Variants in TTC19 observed in about 807,000 individuals in gnomAD.
TTC19 encodes tetratricopeptide repeat domain 19.
A neutral mutation model predicts 49.5 loss-of-function variants in TTC19; 38 were observed. That is an observed-to-expected ratio of 0.77 (90% confidence interval 0.59 to 1.01). The LOEUF (loss-of-function observed/expected upper bound fraction) is 1.01, where lower values mean the gene tolerates loss of function less well. TTC19 is among the 50% of genes least tolerant of loss of function. The pLI is 0.00. For missense variants in TTC19, 475 were observed against 477.7 expected, an observed-to-expected ratio of 0.99 and a Z score of 0.05; for synonymous variants, 204 against 185.2, an observed-to-expected ratio of 1.10 and a Z score of -0.83.
In TTC19 at chr17:16,007,084, G is replaced by A. The variant is rs79389587; in HGVS notation, c.676+516G>A. On this transcript the variant is annotated intron_variant, in intron 7 of 9. Coordinates refer to ENST00000261647, the MANE Select transcript of TTC19 (RefSeq NM_017775.4). ...TGGGTTGAAGTATTGAGAATTTTCA[G>A]ATTTGACATTTATTCAATACCTACT... 9.3e-3 allele frequency among the ~76,000 whole-genome samples: 1,413 copies of A among 152,166 alleles called. 27 individuals are homozygous for A. Among genetic ancestry groups the A allele is most frequent in the African/African-American group, 0.032 (1,324 of 41,516 alleles).
intron 2 of TTC19, chr17:16,039,860 G>A: frequency 7.8e-6 from 4 of 515,428 alleles, no homozygotes; most frequent in Non-Finnish European, 1.4e-5. Flanking sequence ...GCGCGATCTT[G>A]GCTCACTGCA....
intron 6 of TTC19, among the ~76,000 whole-genome samples, chr17:16,005,234 G>A (rs1209008813): frequency 6.6e-6 from 1 of 152,188 alleles, no homozygotes; most frequent in African/African-American, 2.4e-5. Context: ...CCAGATCTGA[G>A]GCTTCGAAAG....
chr17:16,000,040 G>C lies in TTC19; in HGVS notation c.184+8G>C. 1 of 1,263,292 alleles carries C rather than the reference G, an allele frequency of 7.9e-7. No individual in the cohort carries two copies. Among genetic ancestry groups the C allele is most frequent in the Non-Finnish European group, 9.9e-7 (1 of 1,007,236 alleles). The allele number at this position is 1,263,292 out of a possible 1,614,324, so 78.3% of individuals were successfully genotyped here. On this transcript the variant is annotated splice_region_variant and intron_variant, in intron 1 of 9. Transcript: ENST00000261647. ...TGCTGCCGCTGCTGGCAGGTGAGGG[G>C]CGCGGGCCGGGCGGGGCCGGCCGGG...
At chr17:16,033,811 T>G (rs1443921639), downstream of TTC19, among the ~76,000 whole-genome samples, 1 of 151,634 alleles carries the variant, frequency 6.6e-6, no homozygotes, top group Non-Finnish European at 1.5e-5. Context: ...TGATGGCTTT[T>G]TTTGTTTTTG....
intron 7 of TTC19, among the ~76,000 whole-genome samples, chr17:16,021,045 G>C (rs1971364092): frequency 6.6e-6 from 1 of 152,124 alleles, no homozygotes; most frequent in African/African-American, 2.4e-5. Context: ...AATACTGAGT[G>C]CCCATTACAC....
intron 2 of TTC19, chr17:16,041,141 A>G (rs2057484319): frequency 6.6e-6 from 1 of 152,254 alleles, no homozygotes; most frequent in South Asian, 2.1e-4. Context: ...GAAACTCAGG[A>G]TATTTGCTGG....
intron 7 of TTC19, among the ~76,000 whole-genome samples, chr17:16,012,554 A>G (rs1426965031): frequency 6.6e-6 from 1 of 151,904 alleles, no homozygotes; most frequent in Non-Finnish European, 1.5e-5. Flanking sequence ...AGCTCTTCCT[A>G]CCTGGGATAC....
At chr17:16,027,243 GGCA>G (rs1365728005) in intron 9 of TTC19, 128 bp from the exon 10 acceptor site, 4 of 1,046,538 alleles carry the variant, frequency 3.8e-6, no homozygotes, top group Non-Finnish European at 5.7e-6. Flanking sequence ...GATGAAATGA[GGCA>G]GCACCAGCTT....
intron 7 of TTC19, among the ~76,000 whole-genome samples, chr17:16,009,203 A>C (rs942010499): frequency 2.6e-5 from 4 of 151,886 alleles, no homozygotes; most frequent in Non-Finnish European, 5.9e-5. Flanking sequence ...GCTGTCAAGT[A>C]AGTCACTTCT....
chr17:16,016,013 A>G (rs868460536), intron 7 of TTC19, among the ~76,000 whole-genome samples: 7 of 151,656 alleles, frequency 4.6e-5, no homozygotes, highest in Middle Eastern at 6.8e-3. Context: ...TTGTCTTTCT[A>G]TTTTCCATTT....
intron 7 of TTC19, among the ~76,000 whole-genome samples, chr17:16,009,173 G>A (rs1258316705): frequency 2.0e-5 from 3 of 152,224 alleles, no homozygotes; most frequent in Non-Finnish European, 4.4e-5. Flanking sequence ...AAATCCACAA[G>A]AGGTGTAAAA....
chr17:16,010,535 C>T (rs1390437988), intron 7 of TTC19, among the ~76,000 whole-genome samples: 3 of 134,902 alleles, frequency 2.2e-5, no homozygotes, highest in South Asian at 5.0e-4. Flanking sequence ...AGTGCAGTGG[C>T]GTGATCTCGG....
At position 16,027,630 on chromosome 17, in the gene TTC19, C is replaced by A; in HGVS notation, c.*108C>A. 1 of 1,343,836 alleles carries A rather than the reference C, an allele frequency of 7.4e-7. No individual in the cohort carries two copies. 83.2% of individuals were successfully genotyped at this position (1,343,836 alleles called of 1,614,324 possible). A position where few individuals can be genotyped will look rare whatever the true frequency, so the allele number is the denominator to read the frequency against. On this transcript the variant is annotated 3_prime_UTR_variant, in exon 10 of 10. Transcript: ENST00000261647. ...GCTTAAATCTGTCGTTTTTGATATT[C>A]AGGTTTCCTCAATTTAGCCTTAGTG...
rs544377199 is a variant in TTC19 at position 16,035,082 on chromosome 17, TA to T, written c.247+8384del. On this transcript the variant is annotated intron_variant, in intron 2 of 2. Coordinates refer to the TTC19 transcript ENST00000470649. ...ATCCAGATCCTGGTACTCAATGAAA[TA>T]AAATACTACAGGCATACCTCAGAGA... is the stretch of plus-strand genomic sequence containing the variant. 6.1e-5 allele frequency: 48 copies of T among 787,578 alleles called. No homozygotes were observed. The African/African-American group carries it at 7.4e-4, about 12-fold the overall frequency. The allele number at this position is 787,578 out of a possible 1,614,324, so 48.8% of individuals were successfully genotyped here.
chr17:16,026,974 T>C, intron 9 of TTC19: 1 of 544,908 alleles, frequency 1.8e-6, no homozygotes, highest in East Asian at 3.3e-5. Context: ...AGTAGTGCTT[T>C]ACAGATTTCT....
Position 16,028,103 on chromosome 17 carries a change from G to A in TTC19, c.*581G>A. 2.2e-6 allele frequency: 1 copy of A among 454,060 alleles called. No individual in the cohort carries two copies. The highest frequency in any genetic ancestry group is 4.4e-6 in the Non-Finnish European group (1 of 226,768). 28.1% of individuals were successfully genotyped at this position (454,060 alleles called of 1,614,324 possible). ...GTTGTAAAGTGGGGATTAGGCACGT[G>A]ACAGTATAGCACCCATTTGAATTTA... On this transcript the variant is annotated 3_prime_UTR_variant, in exon 10 of 10. Coordinates refer to ENST00000261647, the MANE Select transcript of TTC19 (RefSeq NM_017775.4).
chr17:16,021,139 G>A (rs1294915466), intron 7 of TTC19, among the ~76,000 whole-genome samples: 2 of 152,314 alleles, frequency 1.3e-5, no homozygotes, highest in East Asian at 1.9e-4. Flanking sequence ...TGTAATCCCA[G>A]CACTTTGGGA....
downstream of TTC19, chr17:16,032,497 AATT>A: frequency 6.4e-7 from 1 of 1,562,308 alleles, no homozygotes; most frequent in Non-Finnish European, 8.6e-7. Flanking sequence ...ACAAAAGAAA[AATT>A]AGGTTTTCAT....
In TTC19 at chr17:16,027,810, A is replaced by G; in HGVS notation, c.*288A>G. On this transcript the variant is annotated 3_prime_UTR_variant, in exon 10 of 10. Transcript: ENST00000261647. ...CCTGCTGGTCTAAGTAGAACTGTAGATTCATATGGGCTGGTGTTCCTGTGC... is the reference window on the plus strand; with the variant it reads ...CCTGCTGGTCTAAGTAGAACTGTAGGTTCATATGGGCTGGTGTTCCTGTGC... 5.8e-6 allele frequency: 3 copies of G among 512,946 alleles called. No individual in the cohort carries two copies. Among genetic ancestry groups the G allele is most frequent in the South Asian group, 1.5e-5 (1 of 64,994 alleles). 31.8% of individuals were successfully genotyped at this position (512,946 alleles called of 1,614,324 possible). A position where few individuals can be genotyped will look rare whatever the true frequency, so the allele number is the denominator to read the frequency against.
Sources: gnomAD v4.1 joint callset for allele counts (sites outside exome capture counted in the v4.1 genomes callset) on GRCh38, gnomAD v4.1.1 for gene constraint, MANE v1.5 for transcripts, NCBI Gene and HGNC (gene_info 2026-07-23, HGNC 2026-07-21) for gene names.